Variants in ERICH1 observed in about 807,000 individuals in gnomAD.
The protein encoded by ERICH1 is glutamate rich 1, also known as glutamate-rich protein 1.
A neutral mutation model predicts 39.6 loss-of-function variants in ERICH1; 56 were observed. The observed-to-expected ratio is 1.41, with a 90% CI of 1.14 to 1.77. The LOEUF (loss-of-function observed/expected upper bound fraction) is 1.77, where lower values mean the gene tolerates loss of function less well. Ranked by LOEUF, ERICH1 falls within the 40% of genes most tolerant of loss-of-function variation. The pLI is 0.00. For missense variants in ERICH1, 826 were observed against 575.4 expected, an observed-to-expected ratio of 1.44 and a Z score of -4.45; for synonymous variants, 313 against 223.6, an observed-to-expected ratio of 1.40 and a Z score of -3.57.
rs539286947 is a variant in ERICH1 at position 697,426 on chromosome 8, G to T, written c.170-4814C>A. ...AAACCAGGGCCCACGATGCAACTCC[G>T]TCATCCTGCTGCATGCCCACACCTC... On this transcript the variant is annotated intron_variant, in intron 2 of 5. Coordinates refer to ENST00000262109, the MANE Select transcript of ERICH1 (RefSeq NM_207332.3). Among the ~76,000 whole-genome samples the T allele has an allele frequency of 2.5e-3, 376 of 152,284 alleles. 1 individual carries two copies. Among genetic ancestry groups the T allele is most frequent in the Non-Finnish European group, 4.3e-3 (290 of 68,018 alleles).
chr8:694,663 C>T (rs139926341), intron 2 of ERICH1, among the ~76,000 whole-genome samples: 11 of 152,334 alleles, frequency 7.2e-5, no homozygotes, highest in African/African-American at 1.2e-4. Flanking sequence ...AGGGGCCTCA[C>T]GGCTTGCTCG....
chr8:635,058 CACTCAGGGACGTGG>C (rs1563172334), intron 3 of ERICH1, among the ~76,000 whole-genome samples: 1 of 151,818 alleles, frequency 6.6e-6, no homozygotes, highest in Admixed American at 6.6e-5. Context: ...AGGCTTTGGA[CACTCAGGGACGTGG>C]ACTCAAGGGG....
chr8:715,701 T>G (rs1815774802), intron 2 of ERICH1, among the ~76,000 whole-genome samples, 160 bp downstream of exon 2: 1 of 152,228 alleles, frequency 6.6e-6, no homozygotes, highest in Admixed American at 6.5e-5. Flanking sequence ...TGGCAGAGCT[T>G]GTGTGGAGAG....
At chr8:723,194 G>A (rs1470322380) in intron 1 of ERICH1, among the ~76,000 whole-genome samples, 1 of 152,194 alleles carries the variant, frequency 6.6e-6, no homozygotes, top group African/African-American at 2.4e-5. Flanking sequence ...CCCCAAGAGT[G>A]GAAGCTTCCC....
chr8:720,104 T>C (rs1298119875), intron 1 of ERICH1, among the ~76,000 whole-genome samples: 1 of 152,204 alleles, frequency 6.6e-6, no homozygotes, highest in Non-Finnish European at 1.5e-5. Flanking sequence ...CAAAATCTCA[T>C]CATGTCAGTC....
At chr8:626,976 G>A (rs1797624534) in intron 3 of ERICH1, 2 of 389,336 alleles carry the variant, frequency 5.1e-6, no homozygotes, top group African/African-American at 4.1e-5. Context: ...CGTGGAGGAG[G>A]AAAGCACAGC....
At chr8:730,568 G>A (rs73523263) in intron 1 of ERICH1, among the ~76,000 whole-genome samples, 5,405 of 152,232 alleles carry the variant, frequency 0.036, 290 homozygotes, top group African/African-American at 0.12. Context: ...TCTAAGGCAC[G>A]GCCAGGTTAA....
At chr8:728,236 G>A (rs993678764) in intron 1 of ERICH1, among the ~76,000 whole-genome samples, 4 of 152,174 alleles carry the variant, frequency 2.6e-5, no homozygotes, top group African/African-American at 7.2e-5. Context: ...GCAAGACTCC[G>A]CCCAGGCAGC....
At chr8:665,909 A>G (rs1337527382) in intron 5 of ERICH1, 1 of 152,262 alleles carries the variant, frequency 6.6e-6, no homozygotes, top group Non-Finnish European at 1.5e-5. Flanking sequence ...CTCCTAAGCT[A>G]GTTTTACGGA....
intron 1 of ERICH1, among the ~76,000 whole-genome samples, chr8:717,896 G>A (rs946127670): frequency 2.0e-5 from 3 of 152,250 alleles, no homozygotes; most frequent in Non-Finnish European, 4.4e-5. Context: ...GCAGGCCAGG[G>A]CAGGCCCTGA....
chr8:660,257 T>G (rs1181921319), downstream of ERICH1, among the ~76,000 whole-genome samples: 2 of 152,256 alleles, frequency 1.3e-5, no homozygotes, highest in African/African-American at 4.8e-5. Context: ...GGCCATCACC[T>G]GTGATGAGGC....
chr8:697,693 G>A (rs1385962580), intron 2 of ERICH1, among the ~76,000 whole-genome samples: 4 of 137,760 alleles, frequency 2.9e-5, no homozygotes, highest in Non-Finnish European at 4.7e-5. Context: ...CACAGCCCCC[G>A]CCCCCGCCCC....
intron 2 of ERICH1, among the ~76,000 whole-genome samples, chr8:696,957 C>T (rs2132125331): frequency 6.6e-6 from 1 of 152,188 alleles, no homozygotes; most frequent in East Asian, 1.9e-4. Flanking sequence ...TCCTTCCTCC[C>T]CATCAGCCTG....
chr8:664,094 C>T (rs1801831889), downstream of ERICH1: 1 of 362,200 alleles, frequency 2.8e-6, no homozygotes, highest in African/African-American at 2.2e-5. Flanking sequence ...ATACCAAGAA[C>T]TGACGACTGC....
At chr8:722,872 C>A (rs1204829339) in intron 1 of ERICH1, among the ~76,000 whole-genome samples, 1 of 152,222 alleles carries the variant, frequency 6.6e-6, no homozygotes, top group Non-Finnish European at 1.5e-5. Flanking sequence ...CACATGCTTA[C>A]AGGAATTCAT....
At chr8:668,117 C>T (rs1370974635) in intron 5 of ERICH1, 7 of 207,614 alleles carry the variant, frequency 3.4e-5, no homozygotes, top group African/African-American at 9.4e-5. Flanking sequence ...TCACCGCACA[C>T]GGCATTGGGA....
rs111637030 is a variant in ERICH1 at position 683,741 on chromosome 8, A to G, written c.304+8737T>C. Among the ~76,000 whole-genome samples, 1,032 of 152,306 alleles carry G rather than the reference A, an allele frequency of 6.8e-3. 11 individuals carry two copies. Among genetic ancestry groups the G allele is most frequent in the African/African-American group, 0.023 (964 of 41,554 alleles). On this transcript the variant is annotated intron_variant, in intron 3 of 5. Coordinates refer to ENST00000262109, the MANE Select transcript of ERICH1 (RefSeq NM_207332.3). ...TAGATGCTAAAGTTTTGTGATTTTG[A>G]ATTTGGATGCCGGGCGGTGATCAGG... is the stretch of plus-strand genomic sequence containing the variant.
In ERICH1 at chr8:687,444, G is replaced by T. The variant is rs142676134; in HGVS notation, c.304+5034C>A. ...CACGTTTGCACAAGCTTTGCAATAA[G>T]CCCAGACGGTCTGGCACAACAAACG... On this transcript the variant is annotated intron_variant, in intron 3 of 5. Transcript: ENST00000262109. Among the ~76,000 whole-genome samples, 1,253 of 152,368 alleles carry T rather than the reference G, an allele frequency of 8.2e-3. 12 individuals carry two copies. The highest frequency in any genetic ancestry group is 0.012 in the Non-Finnish European group (793 of 68,042).
intron 2 of ERICH1, among the ~76,000 whole-genome samples, chr8:692,979 G>A (rs968102841): frequency 1.3e-5 from 2 of 152,110 alleles, no homozygotes; most frequent in African/African-American, 4.8e-5. Context: ...ATCACACGAG[G>A]AGTCCCTGGG....
Sources: gnomAD v4.1 joint callset for allele counts (sites outside exome capture counted in the v4.1 genomes callset) on GRCh38, gnomAD v4.1.1 for gene constraint, MANE v1.5 for transcripts, NCBI Gene and HGNC (gene_info 2026-07-23, HGNC 2026-07-21) for gene names.